BMP2K: variants seen among roughly 807,000 people sequenced by gnomAD.
The protein encoded by BMP2K is BMP-2-inducible protein kinase.
In BMP2K, 74 loss-of-function variants were observed where a neutral mutation model predicts 116.0. The observed-to-expected ratio is 0.64, with a 90% confidence interval of 0.53 to 0.77. The LOEUF is 0.77. Among genes scored for constraint, BMP2K ranks in the 30% least tolerant of loss-of-function variants. BMP2K has a pLI of 0.00. For synonymous variants in BMP2K, 486 were observed against 502.5 expected, an observed-to-expected ratio of 0.97 and a Z score of 0.44; for missense variants, 1,365 against 1,403.6, an observed-to-expected ratio of 0.97 and a Z score of 0.44.
At chr4:78,782,246 C>G (rs1237199403) in intron 1 of BMP2K, among the ~76,000 whole-genome samples, 2 of 152,166 alleles carry the variant, frequency 1.3e-5, no homozygotes, top group African/African-American at 2.4e-5. Context: ...TTTTTTCCCT[C>G]TTGTCACATT....
chr4:78,808,241 A>G (rs1314057787), intron 1 of BMP2K, among the ~76,000 whole-genome samples: 1 of 125,820 alleles, frequency 7.9e-6, no homozygotes, highest in East Asian at 2.2e-4. Context: ...CAGAAGTTAC[A>G]TTATTGATTT....
chr4:78,868,628 T>A (rs1459606529), intron 10 of BMP2K, among the ~76,000 whole-genome samples: 1 of 152,146 alleles, frequency 6.6e-6, no homozygotes, highest in Non-Finnish European at 1.5e-5. Flanking sequence ...AAAAGCAAGC[T>A]AGTTACTTCA....
chr4:78,879,247 T>A (rs1467514415), intron 14 of BMP2K: 1 of 1,017,796 alleles, frequency 9.8e-7, no homozygotes, highest in East Asian at 1.0e-4. Flanking sequence ...ATTTTGCAGC[T>A]CTGTTTTTCT....
At chr4:78,910,123 A>T (rs1305724280) in intron 15 of BMP2K, among the ~76,000 whole-genome samples, 1 of 152,234 alleles carries the variant, frequency 6.6e-6, no homozygotes, top group South Asian at 2.1e-4. Flanking sequence ...TTTATAAAAA[A>T]TACAATGCTG....
chr4:78,853,552 T>C (rs1731357431), intron 7 of BMP2K, among the ~76,000 whole-genome samples: 1 of 152,152 alleles, frequency 6.6e-6, no homozygotes, highest in Non-Finnish European at 1.5e-5. Context: ...GATTACTGAA[T>C]AGTTATGAAG....
At position 78,776,449 on chromosome 4, in the gene BMP2K, C is replaced by A. The variant is rs1241489739; in HGVS notation, c.-95C>A. On this transcript the variant is annotated 5_prime_UTR_variant, in exon 1 of 16. Transcript: ENST00000502613. ...CGGGCCGCAGCACGCTCGGACGGGCCAGGGGCGGCGACCCCTCGCGGACGC... is the reference window on the plus strand; with the variant it reads ...CGGGCCGCAGCACGCTCGGACGGGCAAGGGGCGGCGACCCCTCGCGGACGC... 1.9e-6 allele frequency: 2 copies of A among 1,071,804 alleles called. 1 individual carries two copies. The highest frequency in any genetic ancestry group is 3.4e-5 in the African/African-American group (2 of 59,186). 66.4% of individuals were successfully genotyped at this position (1,071,804 alleles called of 1,614,324 possible).
chr4:78,790,403 TA>T (rs1727942356), intron 1 of BMP2K, among the ~76,000 whole-genome samples: 1 of 152,190 alleles, frequency 6.6e-6, no homozygotes, highest in Non-Finnish European at 1.5e-5. Context: ...ATCCCAGTAA[TA>T]GTTAGAAAAT....
At chr4:78,848,986 G>A (rs1287336386) in intron 6 of BMP2K, among the ~76,000 whole-genome samples, 1 of 151,220 alleles carries the variant, frequency 6.6e-6, no homozygotes, top group East Asian at 1.9e-4. Flanking sequence ...ATTCAAATTG[G>A]CCAAGAACTG....
chr4:78,815,402 T>C (rs1729289343), intron 1 of BMP2K, among the ~76,000 whole-genome samples: 1 of 152,168 alleles, frequency 6.6e-6, no homozygotes, highest in Admixed American at 6.5e-5. Context: ...TTTACTTCTT[T>C]TTAAGTATAA....
intron 1 of BMP2K, among the ~76,000 whole-genome samples, chr4:78,777,827 G>C (rs1408212347): frequency 6.6e-6 from 1 of 152,164 alleles, no homozygotes. Context: ...AAAACCTGAA[G>C]ATTTTTGTAT....
intron 1 of BMP2K, among the ~76,000 whole-genome samples, chr4:78,814,721 A>G (rs1272363518): frequency 6.6e-6 from 1 of 152,158 alleles, no homozygotes; most frequent in East Asian, 1.9e-4. Context: ...AGCCTTGGGT[A>G]TGTCTTTATT....
chr4:78,870,948 A>G lies in BMP2K; in HGVS notation c.1397A>G (p.Gln466Arg). 1.2e-6 allele frequency: 2 copies of G among 1,611,390 alleles called. No homozygotes were observed. The highest frequency in any genetic ancestry group is 2.2e-5 in the South Asian group (2 of 90,920). ...RHPHQQQQQQ[Q>R]QQQQQQQQQQ... ...CCTCACCAGCAGCAGCAGCAGCAGC[A>G]GCAGCAACAGCAACAGCAGCAGCAG... is the stretch of plus-strand genomic sequence containing the variant. Residue 466 changes from glutamine (Q) to arginine (R), a missense_variant, in exon 11 of 16, where the codon CAG becomes CGG. Physicochemically the swap from Gln to Arg is conservative, Grantham distance 43. Transcript: ENST00000502613.
chr4:78,797,426 T>C (rs937534807), intron 1 of BMP2K, among the ~76,000 whole-genome samples: 6 of 152,220 alleles, frequency 3.9e-5, no homozygotes, highest in African/African-American at 1.4e-4. Flanking sequence ...AAATTTCATC[T>C]AGGGTCCTTT....
chr4:78,859,590 T>C lies in BMP2K; in HGVS notation c.890T>C (p.Met297Thr). The C allele has an allele frequency of 6.2e-7, 1 of 1,605,632 alleles. No homozygotes were observed. Among genetic ancestry groups the C allele is most frequent in the Non-Finnish European group, 8.5e-7 (1 of 1,175,392 alleles). ...TTTTGATCTATTCTTGCAGGGTTCA[T>C]GCTTGAACCAGATCCGGAACATAGA... ...SRNIHCLIRFMLEPDPEHRPD... is the reference protein window; with the variant it reads ...SRNIHCLIRFTLEPDPEHRPD... Residue 297 changes from methionine to threonine, a missense_variant, in exon 8 of 16, where the codon ATG becomes ACG. Transcript: ENST00000502613.
intron 14 of BMP2K, chr4:78,879,736 A>G (rs1018543792): frequency 6.6e-6 from 1 of 152,174 alleles, no homozygotes; most frequent in African/African-American, 2.4e-5. Context: ...TCCCTAGTTT[A>G]TAGTTCCTAG....
At chr4:78,908,797 A>G (rs1734415922) in intron 15 of BMP2K, among the ~76,000 whole-genome samples, 1 of 152,160 alleles carries the variant, frequency 6.6e-6, no homozygotes, top group African/African-American at 2.4e-5. Flanking sequence ...AGGTATATAC[A>G]TTTATGGGGT....
At chr4:78,868,451 C>T (rs976288122) in intron 10 of BMP2K, among the ~76,000 whole-genome samples, 3 of 152,178 alleles carry the variant, frequency 2.0e-5, no homozygotes, top group African/African-American at 7.2e-5. Context: ...CCATATCATT[C>T]TACCCCTGAC....
intron 1 of BMP2K, among the ~76,000 whole-genome samples, chr4:78,781,152 T>C (rs765557970): frequency 2.0e-5 from 3 of 152,196 alleles, no homozygotes; most frequent in Admixed American, 1.3e-4. Context: ...TATACCATGC[T>C]GAGGAGTTTA....
intron 10 of BMP2K, among the ~76,000 whole-genome samples, chr4:78,868,560 A>C (rs1732172554): frequency 6.6e-6 from 1 of 152,228 alleles, no homozygotes; most frequent in Admixed American, 6.5e-5. Flanking sequence ...AAAAGTCCAC[A>C]GTCCAAGGTC....
Sources: gnomAD v4.1 joint callset for allele counts (sites outside exome capture counted in the v4.1 genomes callset) on GRCh38, gnomAD v4.1.1 for gene constraint, MANE v1.5 for transcripts, NCBI Gene and HGNC (gene_info 2026-07-23, HGNC 2026-07-21) for gene names.